The following EIPR1 variants were observed in gnomAD, a reference collection of about 807,000 sequenced individuals.
EIPR1 encodes the protein EARP complex and GARP complex interacting protein 1.
Under a neutral mutation model 48.1 loss-of-function variants are expected in EIPR1, and 25 were observed. That is an observed-to-expected ratio of 0.52 (90% CI 0.38 to 0.73). The LOEUF is 0.73. EIPR1 is among the 30% of genes least tolerant of loss of function. The pLI is 0.00. For synonymous variants in EIPR1, 204 were observed against 201.9 expected (o/e 1.01, Z -0.09); for missense variants, 415 against 506.2 (o/e 0.82, Z 1.73).
intron 5 of EIPR1, among the ~76,000 whole-genome samples, chr2:3,200,018 T>G (rs1664972067): frequency 2.0e-5 from 3 of 147,256 alleles, no homozygotes; most frequent in African/African-American, 5.0e-5. Flanking sequence ...ATGGGGAGAG[T>G]ATGTGTCCAC....
At chr2:3,233,174 A>G (rs1168768297) in intron 4 of EIPR1, among the ~76,000 whole-genome samples, 1 of 151,642 alleles carries the variant, frequency 6.6e-6, no homozygotes, top group Non-Finnish European at 1.5e-5. Context: ...ACTTACAAAC[A>G]TGTGATCAGG....
intron 1 of EIPR1, among the ~76,000 whole-genome samples, chr2:3,355,135 AG>A (rs1670689756): frequency 6.6e-6 from 1 of 152,164 alleles, no homozygotes; most frequent in Non-Finnish European, 1.5e-5. Flanking sequence ...GACAGGAGGA[AG>A]CCTAGGGGGG....
chr2:3,304,137 G>A (rs1668842100), intron 3 of EIPR1, among the ~76,000 whole-genome samples: 2 of 152,332 alleles, frequency 1.3e-5, no homozygotes, highest in South Asian at 4.1e-4. Flanking sequence ...ACGCGGACAG[G>A]CAGCGGTGAA....
chr2:3,321,039 T>C (rs1358848034), intron 3 of EIPR1, among the ~76,000 whole-genome samples: 1 of 152,216 alleles, frequency 6.6e-6, no homozygotes, highest in Non-Finnish European at 1.5e-5. Flanking sequence ...CAAGGTGTTT[T>C]TATCTAACAT....
At chr2:3,204,558 C>T (rs1415775969) in intron 5 of EIPR1, among the ~76,000 whole-genome samples, 4 of 152,142 alleles carry the variant, frequency 2.6e-5, no homozygotes, top group Non-Finnish European at 2.9e-5. Flanking sequence ...TCAGTGCTTC[C>T]TGGTCCAAAA....
At position 3,306,809 on chromosome 2, in the gene EIPR1, T is replaced by C. The variant is rs1464896133; in HGVS notation, c.259+31208A>G. Among the ~76,000 whole-genome samples the C allele has an allele frequency of 2.0e-5, 3 of 152,080 alleles. No homozygotes were observed. The East Asian group carries it at 5.8e-4, about 30-fold the overall frequency. The stretch of plus-strand genomic sequence containing the variant: ...CAGGGGCAGCAGAGGCAGAAGAAAA[T>C]CCATGCGTAAGTGGACCCCCCCAGT... On this transcript the variant is annotated intron_variant, in intron 3 of 8. Coordinates refer to ENST00000382125, the MANE Select transcript of EIPR1 (RefSeq NM_003310.5).
chr2:3,353,940 C>T (rs1031154463), intron 2 of EIPR1, among the ~76,000 whole-genome samples: 2 of 152,224 alleles, frequency 1.3e-5, no homozygotes, highest in Non-Finnish European at 2.9e-5. Context: ...CACATCTTTG[C>T]AATCACCACG....
chr2:3,286,025 A>G lies in EIPR1; in HGVS notation c.260-28570T>C, dbSNP rs951446582. Among the ~76,000 whole-genome samples the G allele has an allele frequency of 6.6e-6, 1 of 152,180 alleles. No individual in the cohort carries two copies. Among genetic ancestry groups the G allele is most frequent in the Non-Finnish European group, 1.5e-5 (1 of 68,024 alleles). ...CTGAGGACATGGGGCAGCCGGCTGT[A>G]GGTGTTCCAGCTGTGGCTCCATCTT... On this transcript the variant is annotated intron_variant, in intron 3 of 8. Coordinates refer to ENST00000382125, the MANE Select transcript of EIPR1 (RefSeq NM_003310.5). This position sits in a 1 kb window ranked among gnomAD's most constrained non-coding sequence, Gnocchi z 4.2.
In EIPR1 at chr2:3,257,275, C is replaced by T. The variant is rs755889524; in HGVS notation, c.416+24G>A. On this transcript the variant is annotated intron_variant, in intron 4 of 8. Transcript: ENST00000382125. ...GGCCAACCTGCAGGCTCGTTCTGGG[C>T]GCATGAAATATGCAAAATCCTACCA... The T allele has an allele frequency of 2.9e-5, 47 of 1,604,332 alleles. No individual in the cohort carries two copies. The East Asian group carries it at 3.4e-4, about 11-fold the overall frequency.
At chr2:3,355,949 G>C (rs974543274) in intron 1 of EIPR1, among the ~76,000 whole-genome samples, 1 of 152,192 alleles carries the variant, frequency 6.6e-6, no homozygotes, top group African/African-American at 2.4e-5. Context: ...TTCAAACAGG[G>C]TCCCTGGGAA....
intron 8 of EIPR1, among the ~76,000 whole-genome samples, chr2:3,191,382 G>A (rs1049741394): frequency 6.6e-6 from 1 of 150,950 alleles, no homozygotes; most frequent in Non-Finnish European, 1.5e-5. Flanking sequence ...ACAATCAGAT[G>A]GGCCCATCCC....
At chr2:3,292,008 C>T (rs1016112210) in intron 3 of EIPR1, among the ~76,000 whole-genome samples, 1 of 152,360 alleles carries the variant, frequency 6.6e-6, no homozygotes, top group East Asian at 1.9e-4. Context: ...GTGCTCGCCA[C>T]GGGGCCACAT....
At chr2:3,271,920 G>A (rs1350488241) in intron 3 of EIPR1, among the ~76,000 whole-genome samples, 2 of 152,208 alleles carry the variant, frequency 1.3e-5, no homozygotes, top group Non-Finnish European at 2.9e-5. Flanking sequence ...CATTGACACT[G>A]AATATCTGTT....
At chr2:3,238,303 G>C (rs575348139) in intron 4 of EIPR1, among the ~76,000 whole-genome samples, 30 of 152,216 alleles carry the variant, frequency 2.0e-4, no homozygotes, top group Admixed American at 5.9e-4. Flanking sequence ...CGTGACCCCT[G>C]GTGCTCTTCC....
intron 3 of EIPR1, among the ~76,000 whole-genome samples, chr2:3,305,478 C>T (rs986484075): frequency 2.0e-5 from 3 of 149,050 alleles, no homozygotes; most frequent in Non-Finnish European, 4.5e-5. Flanking sequence ...CAACCCTCCA[C>T]TCCCGTCAGT....
chr2:3,238,532 T>G (rs563630189), intron 4 of EIPR1, among the ~76,000 whole-genome samples: 2 of 152,310 alleles, frequency 1.3e-5, no homozygotes, highest in South Asian at 4.1e-4. Flanking sequence ...CCATACACCA[T>G]GCACACCCCA....
intron 3 of EIPR1, among the ~76,000 whole-genome samples, chr2:3,336,075 C>G (rs1349772378): frequency 6.6e-6 from 1 of 152,058 alleles, no homozygotes; most frequent in Non-Finnish European, 1.5e-5. Context: ...TCTCAAGAAG[C>G]CAAGGAAGCA....
rs1421479431 is a variant in EIPR1 at position 3,189,863 on chromosome 2, G to A, written c.990-355C>T. The stretch of plus-strand genomic sequence containing the variant: ...AGGGCTTCCTTTAGCTCAGGGGAAA[G>A]ACTGGGGGAAGTAGTCACCGTGTCT... On this transcript the variant is annotated intron_variant, in intron 8 of 8. Coordinates refer to ENST00000382125, the MANE Select transcript of EIPR1 (RefSeq NM_003310.5). This position sits in a 1 kb window ranked among gnomAD's most constrained non-coding sequence, Gnocchi z 4.6. 1.3e-5 allele frequency among the ~76,000 whole-genome samples: 2 copies of A among 152,214 alleles called. No homozygotes were observed. Among genetic ancestry groups the A allele is most frequent in the African/African-American group, 4.8e-5 (2 of 41,462 alleles).
At chr2:3,373,260 C>T (rs1269492589) in intron 1 of EIPR1, among the ~76,000 whole-genome samples, 2 of 151,110 alleles carry the variant, frequency 1.3e-5, no homozygotes, top group African/African-American at 2.4e-5. Context: ...TATGACAAAC[C>T]CACAGCCAAT....
Sources: allele counts gnomAD v4.1 joint callset (sites outside exome capture counted in the v4.1 genomes callset), GRCh38; gene constraint gnomAD v4.1.1; non-coding constraint Gnocchi (gnomAD v3.1); transcripts MANE v1.5; gene names NCBI Gene and HGNC (gene_info 2026-07-23, HGNC 2026-07-21).